Variants in MINAR1 observed in about 807,000 individuals in gnomAD.
The protein encoded by MINAR1 is membrane integral NOTCH2 associated receptor 1.
Under a neutral mutation model 65.1 loss-of-function variants are expected in MINAR1, and 40 were observed. That is an observed-to-expected ratio of 0.61 (90% CI 0.48 to 0.80). The LOEUF (loss-of-function observed/expected upper bound fraction) is 0.80, where lower values mean the gene tolerates loss of function less well. MINAR1 is among the 30% of genes least tolerant of loss of function. MINAR1 has a pLI of 0.00. For synonymous variants in MINAR1, 482 were observed against 449.1 expected, an observed-to-expected ratio of 1.07 and a Z score of -0.93; for missense variants, 1,128 against 1,148.0, an observed-to-expected ratio of 0.98 and a Z score of 0.25.
chr15:79,450,269 T>C (rs7180825), intron 1 of MINAR1, among the ~76,000 whole-genome samples: 30,504 of 152,066 alleles, frequency 0.2, 3,161 homozygotes, highest in Non-Finnish European at 0.22. Context: ...AGTGTTTTCT[T>C]CCCTTTACCT....
At chr15:79,434,472 C>T (rs1470715863) in intron 1 of MINAR1, among the ~76,000 whole-genome samples, 1 of 152,202 alleles carries the variant, frequency 6.6e-6, no homozygotes, top group Non-Finnish European at 1.5e-5. Context: ...TCAGGATTCC[C>T]AAAATGAGCC....
At chr15:79,433,072 C>T (rs533189945) in intron 1 of MINAR1, among the ~76,000 whole-genome samples, 205 of 152,322 alleles carry the variant, frequency 1.3e-3, no homozygotes, top group Middle Eastern at 6.8e-3. Context: ...GATAAGGATG[C>T]TCAACTTCAC....
chr15:79,442,230 A>T, intron 1 of MINAR1, among the ~76,000 whole-genome samples: 1 of 151,944 alleles, frequency 6.6e-6, no homozygotes, highest in South Asian at 2.1e-4. Context: ...TTCATCTGTA[A>T]TTTACTTTTG....
Position 79,445,571 on chromosome 15 carries a change from G to A in MINAR1, c.-50-10527G>A, listed in dbSNP as rs145063510. Among the ~76,000 whole-genome samples, 608 of 125,638 alleles carry A rather than the reference G, an allele frequency of 4.8e-3. 3 individuals are homozygous for A. Among genetic ancestry groups the A allele is most frequent in the African/African-American group, 0.017 (572 of 33,552 alleles). 82.4% of individuals were successfully genotyped at this position (125,638 alleles called of 152,430 possible). ...AGTTATTTTTTTTTTTTTTTGAGACGGAGTTTTGCTCTTGTTGCCCAGGCT... is the reference window on the plus strand; with the variant it reads ...AGTTATTTTTTTTTTTTTTTGAGACAGAGTTTTGCTCTTGTTGCCCAGGCT... On this transcript the variant is annotated intron_variant, in intron 1 of 3. Coordinates refer to ENST00000305428, the MANE Select transcript of MINAR1 (RefSeq NM_015206.3).
rs1895993111 is a variant in MINAR1, at chr15:79,469,448, G to A, written c.*1064G>A. The A allele has an allele frequency of 6.6e-6, 1 of 152,432 alleles. No homozygotes were observed. Among genetic ancestry groups the A allele is most frequent in the South Asian group, 2.1e-4 (1 of 4,820 alleles). The allele number at this position is 152,432 out of a possible 1,614,324, so 9.4% of individuals were successfully genotyped here. A position where few individuals can be genotyped will look rare whatever the true frequency, so the allele number is the denominator to read the frequency against. Reference sequence around the variant, plus strand: ...AATATAATAATAATAAAGGCACTGAGGTCTTCTCAGTTACCCCAACACCTA... The same window carrying A: ...AATATAATAATAATAAAGGCACTGAAGTCTTCTCAGTTACCCCAACACCTA... On this transcript the variant is annotated 3_prime_UTR_variant, in exon 4 of 4. Coordinates refer to ENST00000305428, the MANE Select transcript of MINAR1 (RefSeq NM_015206.3).
chr15:79,456,958 T>C lies in MINAR1; in HGVS notation c.811T>C (p.Ser271Pro), dbSNP rs1312326308. 1.2e-6 allele frequency: 2 copies of C among 1,614,056 alleles called. No homozygotes were observed. The highest frequency in any genetic ancestry group is 2.2e-5 in the South Asian group (2 of 91,074). Residue 271 changes from serine (S) to proline (P), a missense_variant, in exon 2 of 4, where the codon TCC becomes CCC. By Grantham distance (74) the Ser-to-Pro change is moderately conservative. Coordinates refer to ENST00000305428, the MANE Select transcript of MINAR1 (RefSeq NM_015206.3). ...GGATTTTCACAATTTGATGGCAGTG[T>C]CCCCCAGTTTGGTTGGCCCCATCAG... ...KEDFHNLMAV[S>P]PSLVGPISKA... is the part of the protein sequence containing the mutation.
At chr15:79,455,547 G>A (rs781569742) in intron 1 of MINAR1, among the ~76,000 whole-genome samples, 1 of 152,080 alleles carries the variant, frequency 6.6e-6, no homozygotes, top group South Asian at 2.1e-4. Context: ...CCCCTTTGAG[G>A]TCAACCCTCC....
upstream of MINAR1, among the ~76,000 whole-genome samples, chr15:79,431,930 C>T (rs1024398404): frequency 6.6e-5 from 10 of 152,226 alleles, no homozygotes; most frequent in African/African-American, 2.4e-4. Flanking sequence ...GCAGGGCACC[C>T]CCTTGGCGCG....
At chr15:79,442,419 C>G (rs1244946161) in intron 1 of MINAR1, among the ~76,000 whole-genome samples, 1 of 151,942 alleles carries the variant, frequency 6.6e-6, no homozygotes, top group East Asian at 1.9e-4. Context: ...CTGCTACTTT[C>G]TATTCTGTTC....
rs377733940 is a variant in MINAR1 at position 79,463,222 on chromosome 15, C to T, written c.2454C>T (p.Thr818=). ...CCCTGTACACAGACATGCGGCTGAC[C>T]GAGTTGGCCGAGGTGAAGCGGGGCC... The part of the protein sequence containing the change: ...SNPLYTDMRL[T]ELAEVKRGQP... The change falls in exon 3 of 4, where the codon ACC becomes ACT. Residue 818 remains threonine, a synonymous_variant. Coordinates refer to ENST00000305428, the MANE Select transcript of MINAR1 (RefSeq NM_015206.3). The T allele has an allele frequency of 2.7e-5, 43 of 1,614,104 alleles. No individual in the cohort carries two copies. Among genetic ancestry groups the T allele is most frequent in the African/African-American group, 5.3e-5 (4 of 74,938 alleles).
chr15:79,415,348 A>T, the MINAR1 span: 1 of 152,222 alleles, frequency 6.6e-6, no homozygotes, highest in Non-Finnish European at 1.5e-5. Context: ...CAGTGGCTGG[A>T]TGAGACCATA....
intron 3 of MINAR1, among the ~76,000 whole-genome samples, chr15:79,467,555 G>GAGTCTGAAACTATT (rs1362778693): frequency 1.3e-5 from 2 of 152,138 alleles, no homozygotes; most frequent in Non-Finnish European, 2.9e-5. Context: ...AAGCTGCACC[G>GAGTCTGAAACTATT]AGTCTGAAAC....
At chr15:79,412,104 C>A in the MINAR1 span, 1 of 145,712 alleles carries the variant, frequency 6.9e-6, no homozygotes, top group Admixed American at 6.8e-5. Context: ...GTGATGCGGG[C>A]CCCCAGGGCT....
intron 1 of MINAR1, among the ~76,000 whole-genome samples, chr15:79,440,733 A>G (rs1894846877): frequency 6.6e-6 from 1 of 152,164 alleles, no homozygotes; most frequent in African/African-American, 2.4e-5. Flanking sequence ...ATTCAAAGGT[A>G]TCTTTCCCCT....
At chr15:79,458,825 A>C (rs1165709749) in intron 2 of MINAR1, among the ~76,000 whole-genome samples, 1 of 152,158 alleles carries the variant, frequency 6.6e-6, no homozygotes, top group Non-Finnish European at 1.5e-5. Context: ...CACGAGGGAA[A>C]ATACTGAAAA....
chr15:79,412,572 C>G, the MINAR1 span: 1 of 152,380 alleles, frequency 6.6e-6, no homozygotes, highest in African/African-American at 2.4e-5. Context: ...ACACCACTAC[C>G]AGCGGGACAG....
intron 1 of MINAR1, among the ~76,000 whole-genome samples, chr15:79,434,876 T>G (rs1894550616): frequency 6.9e-6 from 1 of 145,480 alleles, no homozygotes; most frequent in African/African-American, 2.7e-5. Context: ...CATGCTTGTT[T>G]TCACATGTGT....
In MINAR1 at chr15:79,436,065, C is replaced by G. The variant is rs938940373; in HGVS notation, c.-51+3525C>G. 6.2e-4 allele frequency among the ~76,000 whole-genome samples: 94 copies of G among 152,228 alleles called. 1 individual carries two copies. The highest frequency in any genetic ancestry group is 1.6e-4 in the Non-Finnish European group (11 of 68,050). On this transcript the variant is annotated intron_variant, in intron 1 of 3. Transcript: ENST00000305428. ...TCCTCTGTTTCAGTGGTAGTTAAGTCTCCAGAAAGTGGCTGCTCCTCCCTC... is the reference window on the plus strand; with the variant it reads ...TCCTCTGTTTCAGTGGTAGTTAAGTGTCCAGAAAGTGGCTGCTCCTCCCTC...
upstream of MINAR1, among the ~76,000 whole-genome samples, chr15:79,429,139 G>T (rs1261406079): frequency 6.6e-6 from 1 of 152,152 alleles, no homozygotes; most frequent in Non-Finnish European, 1.5e-5. Context: ...TCAAATGAAG[G>T]ATTTGATTAA....
Sources: gnomAD v4.1 joint callset for allele counts (sites outside exome capture counted in the v4.1 genomes callset) on GRCh38, gnomAD v4.1.1 for gene constraint, MANE v1.5 for transcripts, NCBI Gene and HGNC (gene_info 2026-07-23, HGNC 2026-07-21) for gene names.